FRYL: variants seen among roughly 807,000 people sequenced by gnomAD.
FRYL encodes the protein FRY like transcription coactivator, also known as protein furry homolog-like.
In FRYL, 150 loss-of-function variants were observed where a neutral mutation model predicts 351.2. That is an observed-to-expected ratio of 0.43 (90% CI 0.37 to 0.49). FRYL has a LOEUF of 0.49. FRYL is among the 20% of genes least tolerant of loss of function. The probability of loss-of-function intolerance (pLI) is 0.00; values close to 1 mark genes in which losing one functional copy is unlikely to be tolerated. For synonymous variants in FRYL, 1,153 were observed against 1,257.1 expected, an observed-to-expected ratio of 0.92 and a Z score of 1.75; for missense variants, 3,036 against 3,619.3, an observed-to-expected ratio of 0.84 and a Z score of 4.13.
intron 1 of FRYL, among the ~76,000 whole-genome samples, chr4:48,748,659 C>A (rs900836586): frequency 2.0e-5 from 3 of 152,172 alleles, no homozygotes; most frequent in African/African-American, 7.2e-5. Flanking sequence ...AAAAACCAAG[C>A]ATCAACTGTG....
chr4:48,547,726 G>A lies in FRYL; in HGVS notation c.4932C>T (p.Arg1644=), dbSNP rs1183532953. 1.3e-6 allele frequency: 2 copies of A among 1,578,552 alleles called. No homozygotes were observed. The highest frequency in any genetic ancestry group is 1.7e-6 in the Non-Finnish European group (2 of 1,156,672). Residue 1644 remains arginine (R), a synonymous_variant, in exon 41 of 64, where the codon CGC becomes CGT. Coordinates refer to ENST00000358350, the MANE Select transcript of FRYL (RefSeq NM_015030.2). ...TTACTATTAATAAGTGCAGAAGCAG[G>A]CGTTTACAATGTTCATACACCTCAG... ...CHPEVYEHCK[R]LLLHLLIVMG...
intron 1 of FRYL, among the ~76,000 whole-genome samples, chr4:48,755,755 T>C (rs1773707437): frequency 6.6e-6 from 1 of 152,066 alleles, no homozygotes; most frequent in African/African-American, 2.4e-5. Flanking sequence ...CTTCAAAACA[T>C]ACTGAGATTT....
In FRYL at chr4:48,645,124, T is replaced by A. The variant is rs73817832; in HGVS notation, c.-80-10634A>T. ...ATTAAACCAGCAGTGAGCTTTCATT[T>A]TATATATATATATATATATATATAT... is the stretch of plus-strand genomic sequence containing the variant. On this transcript the variant is annotated intron_variant, in intron 3 of 63. Transcript: ENST00000358350. Among the ~76,000 whole-genome samples, 73 of 105,290 alleles carry A rather than the reference T, an allele frequency of 6.9e-4. 1 individual carries two copies. The highest frequency in any genetic ancestry group is 8.6e-4 in the African/African-American group (28 of 32,468). 69.1% of individuals were successfully genotyped at this position (105,290 alleles called of 152,430 possible).
intron 47 of FRYL, 79 bp downstream of exon 47, chr4:48,539,892 A>T: frequency 9.6e-7 from 1 of 1,043,824 alleles, no homozygotes; most frequent in Non-Finnish European, 1.4e-6. Flanking sequence ...AAGGAGTTTT[A>T]AGAGATTTCC....
chr4:48,776,080 A>C (rs1432878569), intron 1 of FRYL, among the ~76,000 whole-genome samples: 2 of 151,260 alleles, frequency 1.3e-5, no homozygotes, highest in African/African-American at 4.8e-5. Flanking sequence ...GAAAAAAAAA[A>C]CCTGAAAGAA....
intron 18 of FRYL, among the ~76,000 whole-genome samples, chr4:48,588,102 T>C (rs545290410): frequency 6.6e-6 from 1 of 152,300 alleles, no homozygotes; most frequent in Admixed American, 6.5e-5. Flanking sequence ...CTGTCAGTGA[T>C]TGGTCAAGGT....
chr4:48,745,888 C>T (rs1772619258), intron 1 of FRYL, among the ~76,000 whole-genome samples: 1 of 152,028 alleles, frequency 6.6e-6, no homozygotes, highest in Admixed American at 6.5e-5. Flanking sequence ...GGAAGGAAAA[C>T]AGATTGAGAC....
chr4:48,510,293 T>C (rs1722200936), intron 58 of FRYL, 136 bp from the exon 59 acceptor site: 2 of 669,124 alleles, frequency 3.0e-6, no homozygotes, highest in South Asian at 1.8e-5. Context: ...CTCTGTCCCA[T>C]ACTTAGAGCT....
At chr4:48,506,474 C>T (rs1394343907) in intron 59 of FRYL, 1 of 151,282 alleles carries the variant, frequency 6.6e-6, no homozygotes, top group East Asian at 1.9e-4. Flanking sequence ...AAAGAAAGAA[C>T]GCTGGACTCA....
At chr4:48,598,726 A>G in intron 13 of FRYL, 2 of 311,866 alleles carry the variant, frequency 6.4e-6, no homozygotes, top group Non-Finnish European at 9.3e-6. Flanking sequence ...AGGTTGGAAT[A>G]AATACATTAG....
chr4:48,507,542 T>TTAGTTAGG (rs1349235787), intron 59 of FRYL, among the ~76,000 whole-genome samples: 2 of 151,870 alleles, frequency 1.3e-5, no homozygotes, highest in Non-Finnish European at 2.9e-5. Flanking sequence ...AAACAGTTAG[T>TTAGTTAGG]TAGTTAGAGA....
chr4:48,553,245 A>C lies in FRYL; in HGVS notation c.4405T>G (p.Ser1469Ala). 6.2e-7 allele frequency: 1 copy of C among 1,613,028 alleles called. No homozygotes were observed. Among genetic ancestry groups the C allele is most frequent in the Non-Finnish European group, 8.5e-7 (1 of 1,179,690 alleles). ...MDNPPYYRIT[S>A]SYKIPSVTSG... is the part of the protein sequence containing the mutation. ...GTGACAGAAGGGATTTTATAGCTGGAAGTGATGCGATAATACGGGGGATTA... is the reference window on the plus strand; with the variant it reads ...GTGACAGAAGGGATTTTATAGCTGGCAGTGATGCGATAATACGGGGGATTA... Residue 1469 changes from serine to alanine, a missense_variant, in exon 36 of 64, where the codon TCC (serine) becomes GCC (alanine). Around this residue, in one of 7 missense-constraint regions of FRYL, gnomAD observed 1,987 missense variants for 2,311.7 expected, o/e 0.86. Transcript: ENST00000358350.
intron 5 of FRYL, 39 bp downstream of exon 5, chr4:48,623,087 T>A: frequency 7.2e-7 from 1 of 1,382,552 alleles, no homozygotes; most frequent in East Asian, 2.4e-5. Context: ...ATGAACACTA[T>A]TTCCAGGGGA....
Position 48,528,028 on chromosome 4 carries a change from C to T in FRYL, c.7083G>A (p.Lys2361=), listed in dbSNP as rs1424228871. 6.3e-7 allele frequency: 1 copy of T among 1,579,480 alleles called. No individual in the cohort carries two copies. The highest frequency in any genetic ancestry group is 1.2e-5 in the South Asian group (1 of 84,526). ...CACAGAGAGAAAGCACATTCATTAG[C>T]TTTTCTCTTGTTCTTCGCTAAAGGA... The part of the protein sequence containing the change: ...PQLSQRRTRE[K]LMNVLSLCGP... The change falls in exon 52 of 64, where the codon AAG becomes AAA. Residue 2361 remains lysine, a synonymous_variant. Transcript: ENST00000358350.
At position 48,517,353 on chromosome 4, in the gene FRYL, G is replaced by C. The variant is rs1560523795; in HGVS notation, c.7690-2078C>G. On this transcript the variant is annotated intron_variant, in intron 55 of 63. Transcript: ENST00000358350. ...CTGCAGTGGATTGTCATTTTTTCTT[G>C]AATAATAATTTCAAGATGATATTTT... is the stretch of plus-strand genomic sequence containing the variant. Among the ~76,000 whole-genome samples, 8 of 151,906 alleles carry C rather than the reference G, an allele frequency of 5.3e-5. No homozygotes were observed. In the South Asian group the frequency reaches 1.7e-3, roughly 32 times the overall value.
chr4:48,549,751 A>G lies in FRYL; in HGVS notation c.4634-128T>C. The stretch of plus-strand genomic sequence containing the variant: ...AAAAAAAATTTCCCACTATTTCAAC[A>G]TGTTTGCTAGGAAAATCTAGGCACA... On this transcript the variant is annotated intron_variant, in intron 38 of 63. Transcript: ENST00000358350. The surrounding 1 kb of genome is among the most constrained non-coding windows in gnomAD (Gnocchi z 4.2). 1.4e-6 allele frequency: 1 copy of G among 695,900 alleles called. No homozygotes were observed. The highest frequency in any genetic ancestry group is 2.3e-6 in the Non-Finnish European group (1 of 439,288). The allele number at this position is 695,900 out of a possible 1,614,324, so 43.1% of individuals were successfully genotyped here. A position where few individuals can be genotyped will look rare whatever the true frequency, so the allele number is the denominator to read the frequency against.
chr4:48,572,832 G>A (rs1018725195), intron 26 of FRYL, among the ~76,000 whole-genome samples: 22 of 152,264 alleles, frequency 1.4e-4, no homozygotes, highest in Non-Finnish European at 2.5e-4. Context: ...CTGGCAAACA[G>A]CCACACTCCT....
chr4:48,766,973 C>A (rs1775015464), intron 1 of FRYL, among the ~76,000 whole-genome samples: 1 of 147,140 alleles, frequency 6.8e-6, no homozygotes, highest in African/African-American at 2.5e-5. Context: ...GATAAAAAAT[C>A]ATAATATATA....
intron 3 of FRYL, among the ~76,000 whole-genome samples, chr4:48,683,420 A>T (rs1247340683): frequency 1.5e-5 from 2 of 130,100 alleles, no homozygotes; most frequent in East Asian, 4.3e-4. Flanking sequence ...AAGTATAATT[A>T]AAAAAAAAAA....
Sources: allele counts gnomAD v4.1 joint callset (sites outside exome capture counted in the v4.1 genomes callset), GRCh38; gene constraint gnomAD v4.1.1; regional missense constraint gnomAD v4.1.1; non-coding constraint Gnocchi (gnomAD v3.1); transcripts MANE v1.5; gene names NCBI Gene and HGNC (gene_info 2026-07-23, HGNC 2026-07-21).